The following PIAS1 variants were observed in gnomAD, a reference collection of about 807,000 sequenced individuals.
PIAS1 encodes the protein E3 SUMO-protein ligase PIAS1.
In PIAS1, 6 loss-of-function variants were observed where a neutral mutation model predicts 71.3. The ratio of observed to expected loss-of-function variants is 0.08; its 90% CI spans 0.05 to 0.17. The LOEUF is 0.17. Ranked by LOEUF, PIAS1 falls within the 10% of genes least tolerant of loss-of-function variation. PIAS1 has a pLI of 1.00. For synonymous variants in PIAS1, 303 were observed against 292.9 expected (o/e 1.03, Z -0.35); for missense variants, 555 against 793.6 (o/e 0.70, Z 3.61).
At position 68,190,845 on chromosome 15, in the gene PIAS1, A is replaced by G. The variant is rs2093116356; in HGVS notation, c.*3010A>G. The G allele has an allele frequency of 6.6e-6, 1 of 152,172 alleles. No homozygotes were observed. The highest frequency in any genetic ancestry group is 2.1e-4 in the South Asian group (1 of 4,828). The allele number at this position is 152,172 out of a possible 1,614,324, so 9.4% of individuals were successfully genotyped here. ...TTGCTTTACTAATTATTTAGACATG[A>G]TCACAATTCTGTATCTTTACTGAGG... On this transcript the variant is annotated 3_prime_UTR_variant, in exon 14 of 14. Transcript: ENST00000249636. This position sits in a 1 kb window ranked among gnomAD's most constrained non-coding sequence, Gnocchi z 4.7.
At chr15:68,060,707 C>T (rs769784679) in intron 1 of PIAS1, among the ~76,000 whole-genome samples, 1 of 152,034 alleles carries the variant, frequency 6.6e-6, no homozygotes, top group Non-Finnish European at 1.5e-5. Flanking sequence ...TATTTTTAAT[C>T]TCAAAACAAA....
At chr15:68,102,096 T>A (rs2092432083) in intron 2 of PIAS1, among the ~76,000 whole-genome samples, 1 of 152,214 alleles carries the variant, frequency 6.6e-6, no homozygotes, top group Non-Finnish European at 1.5e-5. Context: ...CGAAAGTTTT[T>A]ATTTTTACAT....
intron 5 of PIAS1, 149 bp downstream of exon 5, chr15:68,146,055 C>T: frequency 1.6e-6 from 1 of 610,698 alleles, no homozygotes; most frequent in South Asian, 2.0e-5. Context: ...CTTGTACCAA[C>T]TATGTACAGT....
At chr15:68,154,242 T>C (rs2092871039) in intron 7 of PIAS1, among the ~76,000 whole-genome samples, 1 of 152,226 alleles carries the variant, frequency 6.6e-6, no homozygotes, top group African/African-American at 2.4e-5. Context: ...TGTGAATTAC[T>C]GGATGGTTTG....
In PIAS1 at chr15:68,187,783, C is replaced by T. The variant is rs749073506; in HGVS notation, c.1904C>T (p.Thr635Met). The T allele has an allele frequency of 1.7e-5, 27 of 1,613,778 alleles. No individual in the cohort carries two copies. Among genetic ancestry groups the T allele is most frequent in the Middle Eastern group, 1.6e-4 (1 of 6,072 alleles). Residue 635 changes from threonine to methionine, a missense_variant, in exon 14 of 14, where the codon ACG (threonine) becomes ATG (methionine). Thr to Met is a moderately conservative substitution (Grantham distance 81). Around this residue, in one of 5 missense-constraint regions of PIAS1, gnomAD observed 244 missense variants for 307.5 expected, o/e 0.79. Transcript: ENST00000249636. This position sits in a 1 kb window ranked among gnomAD's most constrained non-coding sequence, Gnocchi z 5.3. ...CACACCGTCACAAACAGGAGCAGCA[C>T]GGACACGGCATCCATCTTTGGCATC... ...HSHTVTNRSS[T>M]DTASIFGIIP...
chr15:68,069,076 A>C (rs1432247703), intron 1 of PIAS1, among the ~76,000 whole-genome samples: 4 of 150,950 alleles, frequency 2.6e-5, no homozygotes, highest in African/African-American at 9.7e-5. Flanking sequence ...TTGTATTTTT[A>C]GTAGAGACGG....
At chr15:68,118,905 TG>T (rs1567049777) in intron 2 of PIAS1, among the ~76,000 whole-genome samples, 2 of 151,992 alleles carry the variant, frequency 1.3e-5, no homozygotes, top group African/African-American at 4.8e-5. Flanking sequence ...GCTTAAACCT[TG>T]AAAGCACAGA....
chr15:68,148,247 A>C (rs1011666495), intron 6 of PIAS1, among the ~76,000 whole-genome samples: 1 of 152,150 alleles, frequency 6.6e-6, no homozygotes, highest in East Asian at 1.9e-4. Context: ...AAAGGTTCAG[A>C]GGAAACTACC....
chr15:68,128,703 A>G (rs777996266), intron 2 of PIAS1, among the ~76,000 whole-genome samples: 9 of 152,210 alleles, frequency 5.9e-5, no homozygotes, highest in Non-Finnish European at 1.0e-4. Context: ...TCTCAGTGGT[A>G]TTAGGAATTG....
intron 1 of PIAS1, among the ~76,000 whole-genome samples, chr15:68,074,585 T>G (rs2092136922): frequency 6.6e-6 from 1 of 152,244 alleles, no homozygotes; most frequent in Admixed American, 6.5e-5. Context: ...TTTCAGTAAT[T>G]GTTCTTTTTG....
intron 2 of PIAS1, among the ~76,000 whole-genome samples, chr15:68,131,285 A>C (rs760286756): frequency 5.3e-5 from 8 of 152,170 alleles, no homozygotes; most frequent in Non-Finnish European, 1.2e-4. Flanking sequence ...GTATATATTT[A>C]TGGGGCACAG....
At chr15:68,099,828 G>T (rs574300827) in intron 2 of PIAS1, among the ~76,000 whole-genome samples, 2 of 151,910 alleles carry the variant, frequency 1.3e-5, no homozygotes, top group South Asian at 4.1e-4. Flanking sequence ...GTTTAAGTAT[G>T]TATGTAGCGA....
At chr15:68,103,902 G>A (rs137961690) in intron 2 of PIAS1, among the ~76,000 whole-genome samples, 4 of 152,208 alleles carry the variant, frequency 2.6e-5, no homozygotes, top group East Asian at 3.9e-4. Flanking sequence ...ATGAATATTC[G>A]TGTATAATTT....
intron 2 of PIAS1, among the ~76,000 whole-genome samples, chr15:68,094,385 T>A (rs1414371858): frequency 2.0e-5 from 3 of 151,798 alleles, no homozygotes; most frequent in African/African-American, 7.3e-5. Context: ...AATATATATA[T>A]ATTTATATAA....
chr15:68,181,461 A>T, intron 12 of PIAS1, 107 bp downstream of exon 12: 2 of 1,075,476 alleles, frequency 1.9e-6, no homozygotes, highest in Non-Finnish European at 2.7e-6. Context: ...CTGAGCCAAC[A>T]GGGCCTTGGA....
rs58536041 is a variant in PIAS1 at position 68,114,029 on chromosome 15, TACACACAC to T, written c.469+27304_469+27311del. Among the ~76,000 whole-genome samples, 276 of 125,268 alleles carry T rather than the reference TACACACAC, an allele frequency of 2.2e-3. 1 individual carries two copies. Among genetic ancestry groups the T allele is most frequent in the East Asian group, 0.01 (50 of 4,964 alleles). 82.2% of individuals were successfully genotyped at this position (125,268 alleles called of 152,430 possible). On this transcript the variant is annotated intron_variant, in intron 2 of 13. Transcript: ENST00000249636. ...CTAGCAAACGACTGCATATATTTCA[TACACACAC>T]ACACACACACACACACACACACACT...
intron 8 of PIAS1, among the ~76,000 whole-genome samples, chr15:68,169,863 C>A (rs2092980398): frequency 6.7e-6 from 1 of 150,366 alleles, no homozygotes; most frequent in Non-Finnish European, 1.5e-5. Flanking sequence ...TTGTGTAGAT[C>A]CCATTTTTAT....
chr15:68,098,109 A>G (rs1449291695), intron 2 of PIAS1, among the ~76,000 whole-genome samples: 2 of 152,208 alleles, frequency 1.3e-5, no homozygotes, highest in Admixed American at 1.3e-4. Context: ...CTTGAACAAC[A>G]AGGGGATTGG....
chr15:68,116,496 A>G (rs913133072), intron 2 of PIAS1, among the ~76,000 whole-genome samples: 1 of 152,088 alleles, frequency 6.6e-6, no homozygotes, highest in African/African-American at 2.4e-5. Flanking sequence ...TAGTCTTGCT[A>G]GAGATTTCAT....
Sources: allele counts gnomAD v4.1 joint callset (sites outside exome capture counted in the v4.1 genomes callset), GRCh38; gene constraint gnomAD v4.1.1; regional missense constraint gnomAD v4.1.1; non-coding constraint Gnocchi (gnomAD v3.1); transcripts MANE v1.5; gene names NCBI Gene and HGNC (gene_info 2026-07-23, HGNC 2026-07-21).